LRG1: variants seen among roughly 807,000 people sequenced by gnomAD.
The protein encoded by LRG1 is leucine rich alpha-2-glycoprotein 1, also known as leucine-rich alpha-2-glycoprotein.
In LRG1, 1 loss-of-function variant was observed where a neutral mutation model predicts 2.4. That is an observed-to-expected ratio of 0.41 (90% confidence interval 0.15 to 1.95). LRG1 has a LOEUF of 1.95. Ranked by LOEUF, LRG1 falls within the 30% of genes most tolerant of loss-of-function variation. LRG1 has a pLI of 0.30. For missense variants in LRG1, 425 were observed against 436.9 expected (o/e 0.97, Z 0.24); for synonymous variants, 226 against 210.6 (o/e 1.07, Z -0.63).
rs1976957859 is a variant in LRG1 at position 4,537,487 on chromosome 19, G to A, written c.*453C>T. The stretch of plus-strand genomic sequence containing the variant: ...GAAAGCCCATCGTGTGTTCTAGGAA[G>A]CATGGATGGATGAAACGGGGTCCCA... On this transcript the variant is annotated 3_prime_UTR_variant, in exon 2 of 2. Coordinates refer to ENST00000306390, the MANE Select transcript of LRG1 (RefSeq NM_052972.3). 6.0e-6 allele frequency: 1 copy of A among 167,826 alleles called. No homozygotes were observed. The highest frequency in any genetic ancestry group is 1.3e-5 in the Non-Finnish European group (1 of 76,598). The allele number at this position is 167,826 out of a possible 1,614,324, so 10.4% of individuals were successfully genotyped here.
At position 4,537,079 on chromosome 19, in the gene LRG1, C is replaced by T. The variant is rs1976953889; in HGVS notation, c.*861G>A. 6.6e-6 allele frequency: 1 copy of T among 152,254 alleles called. No homozygotes were observed. The highest frequency in any genetic ancestry group is 1.5e-5 in the Non-Finnish European group (1 of 68,058). 9.4% of individuals were successfully genotyped at this position (152,254 alleles called of 1,614,324 possible). A position where few individuals can be genotyped will look rare whatever the true frequency, so the allele number is the denominator to read the frequency against. ...GAGGAGAAGTCACAGGCCATTGATC[C>T]CAACTGTCATCCCCTAGGGAGACCA... On this transcript the variant is annotated 3_prime_UTR_variant, in exon 2 of 2. Transcript: ENST00000306390.
intron 1 of LRG1, among the ~76,000 whole-genome samples, 172 bp downstream of exon 1, chr19:4,539,810 G>GGT (rs750115760): frequency 2.2e-4 from 34 of 151,760 alleles, no homozygotes; most frequent in East Asian, 1.5e-3. Context: ...CTTCTGTAGG[G>GGT]GTGTGTGTGT....
intron 1 of LRG1, 104 bp from the exon 2 acceptor site, chr19:4,539,055 T>A: frequency 1.7e-6 from 2 of 1,189,794 alleles, no homozygotes; most frequent in Non-Finnish European, 2.3e-6. Flanking sequence ...TCTCTGCGGC[T>A]ACCAGCCTGG....
chr19:4,536,747 GC>G lies in LRG1; in HGVS notation c.*1192del, dbSNP rs1416792634. The G allele has an allele frequency of 6.6e-6, 1 of 152,344 alleles. No individual in the cohort carries two copies. Among genetic ancestry groups the G allele is most frequent in the Non-Finnish European group, 1.5e-5 (1 of 68,158 alleles). The allele number at this position is 152,344 out of a possible 1,614,324, so 9.4% of individuals were successfully genotyped here. A position where few individuals can be genotyped will look rare whatever the true frequency, so the allele number is the denominator to read the frequency against. ...TTAGGGAGCTGGGAAAACTGGACATGCCCCCAAGCCCCAGGGTCTTCCAAAT... is the reference window on the plus strand; with the variant it reads ...TTAGGGAGCTGGGAAAACTGGACATGCCCCAAGCCCCAGGGTCTTCCAAAT... On this transcript the variant is annotated 3_prime_UTR_variant, in exon 2 of 2. Coordinates refer to ENST00000306390, the MANE Select transcript of LRG1 (RefSeq NM_052972.3).
Position 4,538,453 on chromosome 19 carries a change from C to G in LRG1, c.531G>C (p.Arg177=), listed in dbSNP as rs1976973861. 1 of 1,613,906 alleles carries G rather than the reference C, an allele frequency of 6.2e-7. No homozygotes were observed. Among genetic ancestry groups the G allele is most frequent in the Non-Finnish European group, 8.5e-7 (1 of 1,180,036 alleles). The part of the protein sequence containing the change: ...GHLDLSGNRL[R]KLPPGLLANF... Reference sequence around the variant, plus strand: ...TGGCCAGCAGCCCGGGGGGCAGTTTCCGGAGGCGGTTCCCAGACAGGTCCA... The same window carrying G: ...TGGCCAGCAGCCCGGGGGGCAGTTTGCGGAGGCGGTTCCCAGACAGGTCCA... Residue 177 remains arginine (R), a synonymous_variant, in exon 2 of 2, where the codon CGG becomes CGC. Coordinates refer to ENST00000306390, the MANE Select transcript of LRG1 (RefSeq NM_052972.3).
chr19:4,538,698 C>T lies in LRG1; in HGVS notation c.286G>A (p.Glu96Lys), dbSNP rs1468938831. The change falls in exon 2 of 2, where the codon GAA becomes AAA. Residue 96 changes from glutamate (E) to lysine (K), a missense_variant. Physicochemically the swap from Glu to Lys is moderately conservative, Grantham distance 56 (BLOSUM62 1). Transcript: ENST00000306390. ...AGCCCATTGCTGGAGAGGTGCAATT[C>T]TTGGAGCTTAGAGGCGCCCTGGAGG... ...NLLQGASKLQ[E>K]LHLSSNGLES... The T allele has an allele frequency of 6.2e-7, 1 of 1,611,434 alleles. No homozygotes were observed. The highest frequency in any genetic ancestry group is 8.5e-7 in the Non-Finnish European group (1 of 1,177,764).
chr19:4,539,030 G>A (rs1338039623), intron 1 of LRG1, 79 bp from the exon 2 acceptor site: 6 of 1,358,482 alleles, frequency 4.4e-6, no homozygotes, highest in East Asian at 2.4e-5. Context: ...CAGCAAATCC[G>A]CCCACTTCTT....
chr19:4,538,568 G>C lies in LRG1; in HGVS notation c.416C>G (p.Ser139Ter). ...TGLPPGLFQA[S>*]ATLDTLVLKE... ...CAATACCAGGGTGTCCAGGGTGGCT[G>C]AGGCCTGGAAGAGGCCCGGGGGCAG... Residue 139 changes from serine to a stop codon, truncating the protein, a stop_gained, in exon 2 of 2, where the codon TCA (serine) becomes TGA (stop). Transcript: ENST00000306390. LOFTEE classifies it low-confidence loss of function (END_TRUNC). 1 of 1,613,540 alleles carries C rather than the reference G, an allele frequency of 6.2e-7. No homozygotes were observed. The highest frequency in any genetic ancestry group is 8.5e-7 in the Non-Finnish European group (1 of 1,179,954).
At position 4,538,328 on chromosome 19, in the gene LRG1, A is replaced by G; in HGVS notation, c.656T>C (p.Leu219Pro). ...CAGTACTTGCAATTTGTTGCCTTCT[A>G]GATGTAGCCGTTCTAATTGCAGCGG... ...RGPLQLERLH[L>P]EGNKLQVLGK... The change falls in exon 2 of 2, where the codon CTA (leucine) becomes CCA (proline). Residue 219 changes from leucine (L) to proline (P), a missense_variant. By Grantham distance (98) the Leu-to-Pro change is moderately conservative (BLOSUM62 -3). Coordinates refer to ENST00000306390, the MANE Select transcript of LRG1 (RefSeq NM_052972.3). The G allele has an allele frequency of 1.2e-6, 2 of 1,614,224 alleles. No homozygotes were observed. The highest frequency in any genetic ancestry group is 3.3e-5 in the Admixed American group (2 of 60,030).
rs1292308269 is a variant in LRG1, at chr19:4,538,094, G to A, written c.890C>T (p.Ser297Phe). Residue 297 changes from serine (S) to phenylalanine (F), a missense_variant, in exon 2 of 2, where the codon TCC becomes TTC. Transcript: ENST00000306390. Reference protein sequence around the residue: ...NWDMRDGFDISGNPWICDQNL... With the variant: ...NWDMRDGFDIFGNPWICDQNL... ...CTGGTCACAGATCCAGGGGTTGCCG[G>A]AGATGTCGAAGCCATCCCGCATGTC... 2 of 1,614,078 alleles carry A rather than the reference G, an allele frequency of 1.2e-6. No individual in the cohort carries two copies. Among genetic ancestry groups the A allele is most frequent in the Non-Finnish European group, 1.7e-6 (2 of 1,180,050 alleles).
rs767554387 is a variant in LRG1 at position 4,537,114 on chromosome 19, C to T, written c.*826G>A. ...TCCCCTAGGGAGACCATATCCCACA[C>T]CCCAGGGCCTGGGCCATGCCTCTTT... On this transcript the variant is annotated 3_prime_UTR_variant, in exon 2 of 2. Coordinates refer to ENST00000306390, the MANE Select transcript of LRG1 (RefSeq NM_052972.3). 6.6e-6 allele frequency: 1 copy of T among 152,274 alleles called. No homozygotes were observed. Among genetic ancestry groups the T allele is most frequent in the Admixed American group, 6.5e-5 (1 of 15,278 alleles). The allele number at this position is 152,274 out of a possible 1,614,324, so 9.4% of individuals were successfully genotyped here.
chr19:4,539,052 GGCTACCAGCCTGGACTAT>G, intron 1 of LRG1, 101 bp from the exon 2 acceptor site: 1 of 1,212,474 alleles, frequency 8.2e-7, no homozygotes, highest in Non-Finnish European at 1.1e-6. Flanking sequence ...CCATCTCTGC[GGCTACCAGCCTGGACTAT>G]GCTACCTCAT....
intron 1 of LRG1, among the ~76,000 whole-genome samples, chr19:4,539,496 T>C (rs1024189311): frequency 2.0e-5 from 3 of 152,218 alleles, no homozygotes; most frequent in African/African-American, 7.2e-5. Flanking sequence ...GTTCATGTTT[T>C]TGAGACAGAG....
In LRG1 at chr19:4,538,586, G is replaced by T; in HGVS notation, c.398C>A (p.Pro133Gln). The T allele has an allele frequency of 6.2e-7, 1 of 1,613,098 alleles. No individual in the cohort carries two copies. Among genetic ancestry groups the T allele is most frequent in the Non-Finnish European group, 8.5e-7 (1 of 1,179,660 alleles). Residue 133 changes from proline to glutamine, a missense_variant, in exon 2 of 2, where the codon CCG becomes CAG. Transcript: ENST00000306390. ...GGTGGCTGAGGCCTGGAAGAGGCCCGGGGGCAGCCCGGTCAGGGCGTTTCG... is the reference window on the plus strand; with the variant it reads ...GGTGGCTGAGGCCTGGAAGAGGCCCTGGGGCAGCCCGGTCAGGGCGTTTCG... ...LTRNALTGLP[P>Q]GLFQASATLD...
chr19:4,538,168 C>G lies in LRG1; in HGVS notation c.816G>C (p.Leu272=), dbSNP rs769716489. The G allele has an allele frequency of 1.2e-6, 2 of 1,614,030 alleles. No homozygotes were observed. Among genetic ancestry groups the G allele is most frequent in the Non-Finnish European group, 1.7e-6 (2 of 1,180,040 alleles). Residue 272 remains leucine (L), a synonymous_variant, in exon 2 of 2, where the codon CTG becomes CTC. Coordinates refer to ENST00000306390, the MANE Select transcript of LRG1 (RefSeq NM_052972.3). ...LDMLDLSNNS[L]ASVPEGLWAS... ...CCCAGAGCCCCTCGGGCACGCTGGC[C>G]AGTGAGTTATTGGAGAGGTCCAGCA...
In LRG1 at chr19:4,537,034, TC is replaced by T. The variant is rs2145334150; in HGVS notation, c.*905del. ...AGTCAAGGTTTTATTTCCAGTTAGG[TC>T]CCAGGATGGGGGAAGGGAGAGGAGA... On this transcript the variant is annotated 3_prime_UTR_variant, in exon 2 of 2. Coordinates refer to ENST00000306390, the MANE Select transcript of LRG1 (RefSeq NM_052972.3). The T allele has an allele frequency of 6.6e-6, 1 of 152,308 alleles. No individual in the cohort carries two copies. Among genetic ancestry groups the T allele is most frequent in the Admixed American group, 6.5e-5 (1 of 15,282 alleles). 9.4% of individuals were successfully genotyped at this position (152,308 alleles called of 1,614,324 possible).
intron 1 of LRG1, among the ~76,000 whole-genome samples, 167 bp downstream of exon 1, chr19:4,539,815 G>A (rs1378182296): frequency 6.6e-6 from 1 of 152,224 alleles, no homozygotes; most frequent in African/African-American, 2.4e-5. Flanking sequence ...GTAGGGGTGT[G>A]TGTGTGTGTG....
chr19:4,538,058 T>A lies in LRG1; in HGVS notation c.926A>T (p.Asp309Val). The change falls in exon 2 of 2, where the codon GAC becomes GTC. Residue 309 changes from aspartate (D) to valine (V), a missense_variant. By Grantham distance (152) the Asp-to-Val change is radical (BLOSUM62 -3). Coordinates refer to ENST00000306390, the MANE Select transcript of LRG1 (RefSeq NM_052972.3). ...TTGGGCCTGAAGCCAACGATAGAGG[T>A]CGCTCAGGTTCTGGTCACAGATCCA... The part of the protein sequence containing the change: ...NPWICDQNLS[D>V]LYRWLQAQKD... 1 of 1,614,154 alleles carries A rather than the reference T, an allele frequency of 6.2e-7. No individual in the cohort carries two copies. The highest frequency in any genetic ancestry group is 8.5e-7 in the Non-Finnish European group (1 of 1,180,024).
At chr19:4,539,944 G>A (rs370865298) in intron 1 of LRG1, 38 bp downstream of exon 1, 31 of 1,613,350 alleles carry the variant, frequency 1.9e-5, no homozygotes, top group Non-Finnish European at 2.4e-5. Context: ...ATGGTCTGGC[G>A]TTCAAACCTG....
Sources: allele counts gnomAD v4.1 joint callset (sites outside exome capture counted in the v4.1 genomes callset), GRCh38; gene constraint gnomAD v4.1.1; transcripts MANE v1.5; gene names NCBI Gene and HGNC (gene_info 2026-07-23, HGNC 2026-07-21).